SERPINB10: variants seen among roughly 807,000 people sequenced by gnomAD.
SERPINB10 encodes the protein serpin family B member 10, also known as serpin B10.
Under a neutral mutation model 39.1 loss-of-function variants are expected in SERPINB10, and 35 were observed. That is an observed-to-expected ratio of 0.90 (90% CI 0.68 to 1.19). The LOEUF (loss-of-function observed/expected upper bound fraction) is 1.19. Ranked by LOEUF, SERPINB10 falls within the 50% of genes most tolerant of loss-of-function variation. The pLI, the probability that SERPINB10 is intolerant of heterozygous loss-of-function variation, is 0.00. For missense variants in SERPINB10, 546 were observed against 460.5 expected (o/e 1.19, Z -1.70); for synonymous variants, 190 against 158.1 (o/e 1.20, Z -1.52).
At chr18:63,920,282 T>C (rs992881826) in intron 5 of SERPINB10, among the ~76,000 whole-genome samples, 6 of 152,068 alleles carry the variant, frequency 3.9e-5, no homozygotes, top group East Asian at 1.9e-4. Flanking sequence ...AAATGTGCTA[T>C]AGAATCTTAA....
rs748174113 is a variant in SERPINB10, at chr18:63,933,056, C to A, written c.642C>A (p.Ser214Arg). 6.2e-7 allele frequency: 1 copy of A among 1,612,994 alleles called. No homozygotes were observed. The highest frequency in any genetic ancestry group is 1.7e-5 in the Admixed American group (1 of 59,718). The change falls in exon 7 of 8, where the codon AGC becomes AGA. Residue 214 changes from serine to arginine, a missense_variant. Physicochemically the swap from Ser to Arg is moderately radical, Grantham distance 110 (BLOSUM62 -1). Coordinates refer to ENST00000238508, the MANE Select transcript of SERPINB10 (RefSeq NM_005024.3). ...EKPFRINETT[S>R]KPVQMMFMKK... ...TTTTTTGTTTTTTTTAGACTACAAG[C>A]AAACCAGTGCAAATGATGTTTATGA...
At position 63,935,530 on chromosome 18, in the gene SERPINB10, T is replaced by A. The variant is rs1328738438; in HGVS notation, c.*288T>A. 2.7e-5 allele frequency: 8 copies of A among 297,750 alleles called. No homozygotes were observed. The highest frequency in any genetic ancestry group is 4.7e-5 in the Admixed American group (1 of 21,168). The allele number at this position is 297,750 out of a possible 1,614,324, so 18.4% of individuals were successfully genotyped here. On this transcript the variant is annotated 3_prime_UTR_variant, in exon 8 of 8. Coordinates refer to ENST00000238508, the MANE Select transcript of SERPINB10 (RefSeq NM_005024.3). ...CAACTGAATGCCTTACAATTCTTGA[T>A]CACTTGCAATATCCATGATACTTGT...
At chr18:63,913,131 T>C (rs1427537201) in intron 1 of SERPINB10, among the ~76,000 whole-genome samples, 2 of 152,044 alleles carry the variant, frequency 1.3e-5, no homozygotes, top group East Asian at 3.9e-4. Context: ...ATGTCACTTT[T>C]GTTATTTCTG....
At chr18:63,926,039 C>T (rs1169898660) in intron 5 of SERPINB10, among the ~76,000 whole-genome samples, 1 of 151,962 alleles carries the variant, frequency 6.6e-6, no homozygotes, top group Non-Finnish European at 1.5e-5. Context: ...TGTCATAACA[C>T]ATTAAGGTAA....
At chr18:63,909,795 A>C (rs1488870447) in intron 1 of SERPINB10, among the ~76,000 whole-genome samples, 1 of 152,042 alleles carries the variant, frequency 6.6e-6, no homozygotes, top group Non-Finnish European at 1.5e-5. Context: ...CAGGTAACAA[A>C]ATGTTATTTG....
chr18:63,924,521 T>C (rs574913968), intron 5 of SERPINB10, among the ~76,000 whole-genome samples: 119 of 152,080 alleles, frequency 7.8e-4, no homozygotes, highest in African/African-American at 2.8e-3. Flanking sequence ...GATGAACTAA[T>C]TCAGATATCT....
intron 6 of SERPINB10, 25 bp from the exon 7 acceptor site, chr18:63,933,019 CTGTT>C: frequency 6.3e-7 from 1 of 1,598,908 alleles, no homozygotes; most frequent in Non-Finnish European, 8.5e-7. Context: ...ACCTTGTTAC[CTGTT>C]TTTTTGTTTT....
chr18:63,908,005 C>A lies in SERPINB10; in HGVS notation c.-45C>A. 1 of 345,292 alleles carries A rather than the reference C, an allele frequency of 2.9e-6. No individual in the cohort carries two copies. Among genetic ancestry groups the A allele is most frequent in the Non-Finnish European group, 6.0e-6 (1 of 167,090 alleles). The allele number at this position is 345,292 out of a possible 1,614,324, so 21.4% of individuals were successfully genotyped here. A position where few individuals can be genotyped will look rare whatever the true frequency, so the allele number is the denominator to read the frequency against. On this transcript the variant is annotated 5_prime_UTR_variant, in exon 1 of 8. Transcript: ENST00000238508. ...CAGCCACAATCTCTTACTACAGGAG[C>A]AAATTGCCAATTCTGCTCCAGTGGG...
chr18:63,920,050 T>C lies in SERPINB10; in HGVS notation c.490+145T>C, dbSNP rs555739613. The C allele has an allele frequency of 1.6e-4, 76 of 467,338 alleles. No individual in the cohort carries two copies. The South Asian group carries it at 2.7e-3, about 16-fold the overall frequency. 28.9% of individuals were successfully genotyped at this position (467,338 alleles called of 1,614,324 possible). A position where few individuals can be genotyped will look rare whatever the true frequency, so the allele number is the denominator to read the frequency against. On this transcript the variant is annotated intron_variant, in intron 5 of 7. Transcript: ENST00000238508. ...TATTCAGAACATTTATTTCTATTCATGTACGTAATTTTTAGATTCACTGCC... is the reference window on the plus strand; with the variant it reads ...TATTCAGAACATTTATTTCTATTCACGTACGTAATTTTTAGATTCACTGCC...
rs200918594 is a variant in SERPINB10, at chr18:63,917,459, C to G, written c.172C>G (p.Leu58Val). 1.9e-6 allele frequency: 3 copies of G among 1,568,812 alleles called. No individual in the cohort carries two copies. The highest frequency in any genetic ancestry group is 1.7e-6 in the Non-Finnish European group (2 of 1,155,620). ...GTTAAQMAQV[L>V]QFNRDQGVKC... ...TGTATTTTTATTGAAATTACAGGTG[C>G]TTCAATTTAACAGAGACCAGGGAGT... The change falls in exon 3 of 8, where the codon CTT (leucine) becomes GTT (valine). Residue 58 changes from leucine to valine, a missense_variant. Physicochemically the swap from Leu to Val is conservative, Grantham distance 32. Coordinates refer to ENST00000238508, the MANE Select transcript of SERPINB10 (RefSeq NM_005024.3).
chr18:63,931,935 C>A (rs1326370779), intron 6 of SERPINB10, among the ~76,000 whole-genome samples: 1 of 152,170 alleles, frequency 6.6e-6, no homozygotes, highest in Non-Finnish European at 1.5e-5. Flanking sequence ...CCCTAAATTC[C>A]TGACAGCCAC....
At position 63,935,405 on chromosome 18, in the gene SERPINB10, C is replaced by A; in HGVS notation, c.*163C>A. 1 of 660,170 alleles carries A rather than the reference C, an allele frequency of 1.5e-6. No homozygotes were observed. The highest frequency in any genetic ancestry group is 2.3e-5 in the South Asian group (1 of 44,064). 40.9% of individuals were successfully genotyped at this position (660,170 alleles called of 1,614,324 possible). The stretch of plus-strand genomic sequence containing the variant: ...AAATAATGCATTCTAATGATCCTGT[C>A]ATATCTGTACAGCTGGAGAGAATGA... On this transcript the variant is annotated 3_prime_UTR_variant, in exon 8 of 8. Transcript: ENST00000238508.
chr18:63,922,479 T>C (rs1460471127), intron 5 of SERPINB10, among the ~76,000 whole-genome samples: 1 of 151,828 alleles, frequency 6.6e-6, no homozygotes, highest in African/African-American at 2.4e-5. Flanking sequence ...TTGGGCAAAA[T>C]GTTATGTTTT....
chr18:63,923,511 A>C (rs1252007888), intron 5 of SERPINB10, among the ~76,000 whole-genome samples: 2 of 151,898 alleles, frequency 1.3e-5, no homozygotes, highest in Non-Finnish European at 2.9e-5. Flanking sequence ...AATAAAAACA[A>C]CAAACCTGCA....
rs537082865 is a variant in SERPINB10, at chr18:63,918,446, C to A, written c.372+344C>A. Among the ~76,000 whole-genome samples the A allele has an allele frequency of 5.3e-4, 80 of 152,128 alleles. No individual in the cohort carries two copies. The South Asian group carries it at 0.016, about 30-fold the overall frequency. The stretch of plus-strand genomic sequence containing the variant: ...GAGGAGTTTTCACATCAAGACTTTA[C>A]AGACTTTGGGAACATGAAACATGAA... On this transcript the variant is annotated intron_variant, in intron 4 of 7. Coordinates refer to ENST00000238508, the MANE Select transcript of SERPINB10 (RefSeq NM_005024.3).
chr18:63,910,643 G>A (rs564363534), intron 1 of SERPINB10, among the ~76,000 whole-genome samples: 24 of 151,916 alleles, frequency 1.6e-4, no homozygotes, highest in Admixed American at 1.3e-3. Context: ...TCCTTCTTTC[G>A]GTTGCATAGT....
chr18:63,934,004 G>A (rs1458191633), intron 7 of SERPINB10, among the ~76,000 whole-genome samples: 1 of 152,086 alleles, frequency 6.6e-6, no homozygotes, highest in Non-Finnish European at 1.5e-5. Context: ...AACCAGTGTG[G>A]ACAAATAACC....
intron 5 of SERPINB10, among the ~76,000 whole-genome samples, chr18:63,927,256 AC>A (rs778426344): frequency 3.9e-5 from 6 of 152,062 alleles, no homozygotes; most frequent in Non-Finnish European, 8.8e-5. Context: ...ATTTTAATTT[AC>A]AAAGTCATCA....
chr18:63,934,436 G>C (rs983395289), intron 7 of SERPINB10, among the ~76,000 whole-genome samples: 4 of 151,952 alleles, frequency 2.6e-5, no homozygotes, highest in African/African-American at 9.7e-5. Context: ...TCCAAATTTT[G>C]TTTTCAAAGA....
Sources: allele counts gnomAD v4.1 joint callset (sites outside exome capture counted in the v4.1 genomes callset), GRCh38; gene constraint gnomAD v4.1.1; transcripts MANE v1.5; gene names NCBI Gene and HGNC (gene_info 2026-07-23, HGNC 2026-07-21).